ADGRG6: variants seen among roughly 807,000 people sequenced by gnomAD.
ADGRG6 encodes adhesion G protein-coupled receptor G6.
Under a neutral mutation model 142.4 loss-of-function variants are expected in ADGRG6, and 84 were observed. The observed-to-expected ratio is 0.59, with a 90% CI of 0.49 to 0.71. ADGRG6 has a LOEUF of 0.71. ADGRG6 is among the 30% of genes least tolerant of loss of function. ADGRG6 has a pLI of 0.00. For synonymous variants in ADGRG6, 521 were observed against 520.5 expected (o/e 1.00, Z -0.01); for missense variants, 1,367 against 1,466.6 (o/e 0.93, Z 1.11).
intron 10 of ADGRG6, among the ~76,000 whole-genome samples, chr6:142,399,092 T>C (rs1390393083): frequency 6.6e-6 from 1 of 152,196 alleles, no homozygotes; most frequent in East Asian, 1.9e-4. Context: ...TATTCTATGA[T>C]TGCAATTATA....
intron 22 of ADGRG6, among the ~76,000 whole-genome samples, chr6:142,431,372 A>G (rs1009426943): frequency 6.6e-6 from 1 of 152,198 alleles, no homozygotes; most frequent in African/African-American, 2.4e-5. Context: ...AAGGTCTATC[A>G]TGAGCTCCCT....
At chr6:142,338,462 G>A (rs1468124523) in intron 2 of ADGRG6, among the ~76,000 whole-genome samples, 2 of 150,544 alleles carry the variant, frequency 1.3e-5, no homozygotes, top group Non-Finnish European at 3.0e-5. Context: ...CTAAATAAGA[G>A]TTTTATTATG....
chr6:142,367,243 T>C (rs906442278), intron 2 of ADGRG6, among the ~76,000 whole-genome samples: 8 of 152,168 alleles, frequency 5.3e-5, no homozygotes, highest in Non-Finnish European at 1.5e-5. Context: ...TGAGGCCTCA[T>C]TGTACTCCTT....
At chr6:142,330,261 T>C (rs1329966743) in intron 2 of ADGRG6, among the ~76,000 whole-genome samples, 1 of 152,016 alleles carries the variant, frequency 6.6e-6, no homozygotes, top group Non-Finnish European at 1.5e-5. Flanking sequence ...ACCTGGCTGA[T>C]GAAATAATCT....
In ADGRG6 at chr6:142,443,577, C is replaced by CTTGCA; in HGVS notation, c.*62_*63insTTGCA. 9.2e-7 allele frequency: 1 copy of CTTGCA among 1,084,270 alleles called. No individual in the cohort carries two copies. The highest frequency in any genetic ancestry group is 1.4e-6 in the Non-Finnish European group (1 of 732,226). The allele number at this position is 1,084,270 out of a possible 1,614,324, so 67.2% of individuals were successfully genotyped here. ...GAAGATTTGCAAGCAGTGTAAACTG[C>CTTGCA]AACTAGTGATGTAAATGTGCTATTA... On this transcript the variant is annotated 3_prime_UTR_variant, in exon 25 of 25. Transcript: ENST00000367609.
At chr6:142,373,154 C>A (rs113621028) in intron 4 of ADGRG6, among the ~76,000 whole-genome samples, 1 of 152,232 alleles carries the variant, frequency 6.6e-6, no homozygotes, top group African/African-American at 2.4e-5. Context: ...AGTAAGTAGC[C>A]AAGCCAGGAT....
At chr6:142,412,224 C>T (rs1455257693) in intron 18 of ADGRG6, among the ~76,000 whole-genome samples, 1 of 152,154 alleles carries the variant, frequency 6.6e-6, no homozygotes, top group Non-Finnish European at 1.5e-5. Flanking sequence ...CTTTTCTGGT[C>T]TCCAGGGTAT....
At chr6:142,326,666 T>C (rs1778796010) in intron 2 of ADGRG6, among the ~76,000 whole-genome samples, 1 of 152,166 alleles carries the variant, frequency 6.6e-6, no homozygotes, top group South Asian at 2.1e-4. Context: ...AAACTCATTC[T>C]ATGAGACTGA....
At chr6:142,367,374 C>A (rs1240487162) in intron 2 of ADGRG6, among the ~76,000 whole-genome samples, 195 bp from the exon 3 acceptor site, 1 of 152,228 alleles carries the variant, frequency 6.6e-6, no homozygotes, top group Non-Finnish European at 1.5e-5. Flanking sequence ...TTTTGTTTCT[C>A]TTTTACTTTT....
chr6:142,302,336 G>A lies in ADGRG6; in HGVS notation c.2+5G>A. Reference sequence around the variant, plus strand: ...TCGGCGCAGTAATGTCAACATGTAAGTCTCACCTTTCAGCTTGGAATTCCT... The same window carrying A: ...TCGGCGCAGTAATGTCAACATGTAAATCTCACCTTTCAGCTTGGAATTCCT... On this transcript the variant is annotated splice_donor_5th_base_variant and intron_variant, in intron 1 of 24. Transcript: ENST00000367609. 2 of 1,612,818 alleles carry A rather than the reference G, an allele frequency of 1.2e-6. No individual in the cohort carries two copies. Among genetic ancestry groups the A allele is most frequent in the African/African-American group, 1.3e-5 (1 of 74,984 alleles).
intron 2 of ADGRG6, among the ~76,000 whole-genome samples, chr6:142,364,426 A>G (rs1780857479): frequency 6.6e-6 from 1 of 152,170 alleles, no homozygotes; most frequent in African/African-American, 2.4e-5. Flanking sequence ...CTGAGTGCCT[A>G]AGGAAAAAAG....
intron 2 of ADGRG6, among the ~76,000 whole-genome samples, chr6:142,346,576 G>C (rs1779912187): frequency 6.6e-6 from 1 of 152,006 alleles, no homozygotes; most frequent in African/African-American, 2.4e-5. Context: ...ACATGCACAT[G>C]TATGTTTATT....
At chr6:142,324,284 CT>C (rs1778656784) in intron 2 of ADGRG6, among the ~76,000 whole-genome samples, 2 of 152,040 alleles carry the variant, frequency 1.3e-5, no homozygotes, top group Admixed American at 6.6e-5. Flanking sequence ...ACTTAAAGCT[CT>C]TAGGAGAGCT....
chr6:142,351,973 G>T (rs1346073620), intron 2 of ADGRG6, among the ~76,000 whole-genome samples: 1 of 152,174 alleles, frequency 6.6e-6, no homozygotes, highest in Non-Finnish European at 1.5e-5. Flanking sequence ...ACAGATGCTA[G>T]TGAGTTTGCA....
At position 142,402,075 on chromosome 6, in the gene ADGRG6, C is replaced by T. The variant is rs1775553424; in HGVS notation, c.1744+17C>T. 1.5e-6 allele frequency: 2 copies of T among 1,355,704 alleles called. No homozygotes were observed. Among genetic ancestry groups the T allele is most frequent in the Non-Finnish European group, 2.1e-6 (2 of 963,090 alleles). The allele number at this position is 1,355,704 out of a possible 1,614,324, so 84.0% of individuals were successfully genotyped here. ...ACTGTTTAAGTAAGTGAGCAGTTTTCCTTTATTTCTCAAGGACAAAATGAC... is the reference window on the plus strand; with the variant it reads ...ACTGTTTAAGTAAGTGAGCAGTTTTTCTTTATTTCTCAAGGACAAAATGAC... On this transcript the variant is annotated intron_variant, in intron 12 of 24. Transcript: ENST00000367609.
At chr6:142,311,542 C>T (rs1257166363) in intron 2 of ADGRG6, among the ~76,000 whole-genome samples, 4 of 151,932 alleles carry the variant, frequency 2.6e-5, no homozygotes, top group African/African-American at 9.7e-5. Context: ...ATGCATATTA[C>T]AACTTTGGAT....
chr6:142,343,903 C>T (rs1164859742), intron 2 of ADGRG6, among the ~76,000 whole-genome samples: 6 of 151,856 alleles, frequency 4.0e-5, no homozygotes, highest in Admixed American at 1.3e-4. Flanking sequence ...TAGAAAACTC[C>T]GTAGTATCTA....
intron 11 of ADGRG6, 109 bp from the exon 12 acceptor site, chr6:142,401,885 T>C: frequency 3.5e-6 from 2 of 571,584 alleles, no homozygotes; most frequent in East Asian, 3.0e-5. Context: ...GGGAAGCTTG[T>C]CCATTGATCA....
intron 22 of ADGRG6, among the ~76,000 whole-genome samples, chr6:142,429,136 G>C (rs566079322): frequency 6.6e-6 from 1 of 152,214 alleles, no homozygotes; most frequent in East Asian, 1.9e-4. Flanking sequence ...AATGAGTAGA[G>C]GATAGTTTAA....
Sources: allele counts gnomAD v4.1 joint callset (sites outside exome capture counted in the v4.1 genomes callset), GRCh38; gene constraint gnomAD v4.1.1; transcripts MANE v1.5; gene names NCBI Gene and HGNC (gene_info 2026-07-23, HGNC 2026-07-21).